LAMTOR5: variants seen among roughly 807,000 people sequenced by gnomAD.
The protein encoded by LAMTOR5 is ragulator complex protein LAMTOR5.
A neutral mutation model predicts 12.1 loss-of-function variants in LAMTOR5; 8 were observed. That is an observed-to-expected ratio of 0.66 (90% CI 0.39 to 1.19). The LOEUF (loss-of-function observed/expected upper bound fraction) is 1.19. Among genes scored for constraint, LAMTOR5 ranks in the 50% most tolerant of loss-of-function variants. The probability of loss-of-function intolerance (pLI) is 0.01; values close to 1 mark genes in which losing one functional copy is unlikely to be tolerated. For missense variants in LAMTOR5, 110 were observed against 112.8 expected (o/e 0.97, Z 0.11); for synonymous variants, 37 against 41.9 (o/e 0.88, Z 0.45).
At chr1:110,407,332 G>T in intron 1 of LAMTOR5, 1 of 592,066 alleles carries the variant, frequency 1.7e-6, no homozygotes, top group Non-Finnish European at 3.0e-6. Context: ...AACGAGATAG[G>T]CAGTTTTGGC....
chr1:110,403,847 G>A, intron 3 of LAMTOR5, 72 bp downstream of exon 3: 1 of 1,588,892 alleles, frequency 6.3e-7, no homozygotes, highest in Non-Finnish European at 8.6e-7. Flanking sequence ...GATGAACACA[G>A]GGCCGGCCCC....
chr1:110,405,108 C>T (rs1307181260), intron 2 of LAMTOR5, among the ~76,000 whole-genome samples: 3 of 150,998 alleles, frequency 2.0e-5, no homozygotes, highest in Non-Finnish European at 4.4e-5. Context: ...CCTAGCTTAA[C>T]GACTTACTAG....
intron 2 of LAMTOR5, among the ~76,000 whole-genome samples, chr1:110,404,898 A>T (rs1570670517): frequency 6.6e-6 from 1 of 151,930 alleles, no homozygotes; most frequent in African/African-American, 2.4e-5. Flanking sequence ...AAATACAAAA[A>T]TTATCTGGGC....
intron 3 of LAMTOR5, among the ~76,000 whole-genome samples, chr1:110,401,858 T>TACA (rs1302615572): frequency 1.3e-5 from 2 of 152,210 alleles, no homozygotes; most frequent in African/African-American, 4.8e-5. Context: ...CTTGCTATGT[T>TACA]GCCCAAGCTG....
intron 3 of LAMTOR5, chr1:110,403,656 T>G: frequency 2.9e-6 from 1 of 343,676 alleles, no homozygotes; most frequent in Non-Finnish European, 5.1e-6. Context: ...CTGATTAGTT[T>G]TCCTTTGTGC....
At chr1:110,407,301 G>C in intron 1 of LAMTOR5, 1 of 588,084 alleles carries the variant, frequency 1.7e-6, no homozygotes, top group Middle Eastern at 4.5e-4. Flanking sequence ...GAACCACCCT[G>C]ACCGTAAAGA....
chr1:110,407,002 T>C (rs1166563209), intron 1 of LAMTOR5: 3 of 686,784 alleles, frequency 4.4e-6, no homozygotes, highest in Non-Finnish European at 7.9e-6. Context: ...TACTAACTCA[T>C]TTAAAACAAC....
chr1:110,404,037 C>T lies in LAMTOR5; in HGVS notation c.98-1G>A. On this transcript the variant is annotated splice_acceptor_variant, in intron 2 of 3. Coordinates refer to ENST00000602318, the MANE Select transcript of LAMTOR5 (RefSeq NM_001382293.1). LOFTEE classifies it high-confidence loss of function. The stretch of plus-strand genomic sequence containing the variant: ...TGCTCATCTGACAGGGTCCCGCGGC[C>T]TGGAAAATAGAGATGATATATGTCA... 1.9e-6 allele frequency: 3 copies of T among 1,613,246 alleles called. No homozygotes were observed. Among genetic ancestry groups the T allele is most frequent in the Non-Finnish European group, 2.5e-6 (3 of 1,179,764 alleles).
chr1:110,401,616 G>A (rs1663230059), intron 3 of LAMTOR5, 33 bp from the exon 4 acceptor site: 10 of 1,583,608 alleles, frequency 6.3e-6, no homozygotes, highest in African/African-American at 1.3e-5. Flanking sequence ...TCAGTAAAAC[G>A]TAATCAGTGG....
At chr1:110,404,772 G>A (rs1415376942) in intron 2 of LAMTOR5, among the ~76,000 whole-genome samples, 1 of 152,144 alleles carries the variant, frequency 6.6e-6, no homozygotes, top group Admixed American at 6.5e-5. Context: ...GATTAGGCCG[G>A]GTGTAGTGGC....
At chr1:110,406,739 G>C (rs534957754) in intron 1 of LAMTOR5, 1 of 309,340 alleles carries the variant, frequency 3.2e-6, no homozygotes, top group South Asian at 6.2e-5. Flanking sequence ...CAAGAGAATC[G>C]CTTGAACCTG....
intron 3 of LAMTOR5, 107 bp from the exon 4 acceptor site, chr1:110,401,690 G>A: frequency 8.4e-7 from 1 of 1,188,912 alleles, no homozygotes; most frequent in Non-Finnish European, 1.2e-6. Context: ...TAATGTAATT[G>A]TTTCTACGTA....
At chr1:110,404,602 A>G (rs12132863) in intron 2 of LAMTOR5, among the ~76,000 whole-genome samples, 66,516 of 152,082 alleles carry the variant, frequency 0.44, 14,959 homozygotes, top group Non-Finnish European at 0.51. Flanking sequence ...ATTAGGAGCA[A>G]CAAGTCTTGG....
rs1300931831 is a variant in LAMTOR5, at chr1:110,404,721, T to C, written c.98-685A>G. On this transcript the variant is annotated intron_variant, in intron 2 of 3. Transcript: ENST00000602318. ...TATTAAGTATTATGTCTCAGTTCTA[T>C]GTAAGCATTTTATACATATTATATA... Among the ~76,000 whole-genome samples, 3 of 152,220 alleles carry C rather than the reference T, an allele frequency of 2.0e-5. No individual in the cohort carries two copies. In the East Asian group the frequency reaches 5.8e-4, roughly 29 times the overall value.
rs374579885 is a variant in LAMTOR5 at position 110,401,576 on chromosome 1, T to C, written c.223A>G (p.Met75Val). Residue 75 changes from methionine (M) to valine (V), a missense_variant, in exon 4 of 4, where the codon ATG (methionine) becomes GTG (valine). By Grantham distance (21) the Met-to-Val change is conservative (BLOSUM62 1). Coordinates refer to ENST00000602318, the MANE Select transcript of LAMTOR5 (RefSeq NM_001382293.1). Reference protein sequence around the residue: ...VCLESDNGNIMIQKHDGITVA... With the variant: ...VCLESDNGNIVIQKHDGITVA... Reference sequence around the variant, plus strand: ...GTGATGCCATCGTGTTTCTGGATCATAATGTTCCTGAAATGCAGGAAGAAA... The same window carrying C: ...GTGATGCCATCGTGTTTCTGGATCACAATGTTCCTGAAATGCAGGAAGAAA... The C allele has an allele frequency of 8.7e-6, 14 of 1,604,432 alleles. No individual in the cohort carries two copies. Among genetic ancestry groups the C allele is most frequent in the Non-Finnish European group, 1.2e-5 (14 of 1,171,930 alleles).
upstream of LAMTOR5, chr1:110,407,877 G>A (rs766658069): frequency 2.1e-5 from 34 of 1,610,864 alleles, no homozygotes; most frequent in South Asian, 1.9e-4. Context: ...GGCGGAACCG[G>A]CCGGCACGGA....
chr1:110,405,044 T>A (rs1361522136), intron 2 of LAMTOR5, among the ~76,000 whole-genome samples: 1 of 134,590 alleles, frequency 7.4e-6, no homozygotes. Flanking sequence ...CAAGATTTCG[T>A]CTCAAAAAAA....
Position 110,401,330 on chromosome 1 carries a change from A to G in LAMTOR5, c.*193T>C, listed in dbSNP as rs1275741852. ...CCTGGACCTGCTGCTTCAAAACATG[A>G]TCCTTTCTTACTAATATCTTGATAG... On this transcript the variant is annotated 3_prime_UTR_variant, in exon 4 of 4. Coordinates refer to ENST00000602318, the MANE Select transcript of LAMTOR5 (RefSeq NM_001382293.1). 1 of 459,556 alleles carries G rather than the reference A, an allele frequency of 2.2e-6. No homozygotes were observed. Among genetic ancestry groups the G allele is most frequent in the East Asian group, 3.3e-5 (1 of 29,894 alleles). 28.5% of individuals were successfully genotyped at this position (459,556 alleles called of 1,614,324 possible).
In LAMTOR5 at chr1:110,403,901, C is replaced by A. The variant is rs762796830; in HGVS notation, c.215+18G>T. 1.5e-5 allele frequency: 24 copies of A among 1,611,422 alleles called. No homozygotes were observed. The highest frequency in any genetic ancestry group is 1.2e-4 in the Admixed American group (7 of 59,502). On this transcript the variant is annotated intron_variant, in intron 3 of 3. Coordinates refer to ENST00000602318, the MANE Select transcript of LAMTOR5 (RefSeq NM_001382293.1). ...TTTTTCTGAACAAAAAGGAAAGGATCTGCTGAAATCTACTCACCCATTATC... is the reference window on the plus strand; with the variant it reads ...TTTTTCTGAACAAAAAGGAAAGGATATGCTGAAATCTACTCACCCATTATC...
Sources: allele counts gnomAD v4.1 joint callset (sites outside exome capture counted in the v4.1 genomes callset), GRCh38; gene constraint gnomAD v4.1.1; transcripts MANE v1.5; gene names NCBI Gene and HGNC (gene_info 2026-07-23, HGNC 2026-07-21).